The following GATA4 variants were observed in gnomAD, a reference collection of about 807,000 sequenced individuals.
GATA4 encodes transcription factor GATA-4.
Under a neutral mutation model 37.9 loss-of-function variants are expected in GATA4, and 7 were observed. The ratio of observed to expected loss-of-function variants is 0.18; its 90% CI spans 0.11 to 0.35. The LOEUF (loss-of-function observed/expected upper bound fraction) is 0.35. GATA4 is among the 10% of genes least tolerant of loss of function. GATA4 has a pLI of 1.00. For synonymous variants in GATA4, 372 were observed against 292.6 expected (o/e 1.27, Z -2.77); for missense variants, 647 against 653.0 (o/e 0.99, Z 0.10).
rs966868658 is a variant in GATA4 at position 11,680,657 on chromosome 8, G to A, written c.-274+3594G>A. 1.5e-5 allele frequency: 15 copies of A among 985,228 alleles called. No homozygotes were observed. The African/African-American group carries it at 2.4e-4, about 16-fold the overall frequency. 61.0% of individuals were successfully genotyped at this position (985,228 alleles called of 1,614,324 possible). A position where few individuals can be genotyped will look rare whatever the true frequency, so the allele number is the denominator to read the frequency against. ...CCTGGCGCTGCTGGGAACGTGTCTC[G>A]GGTCGCCCTTTGCGTCAGAGACCCC... is the stretch of plus-strand genomic sequence containing the variant. On this transcript the variant is annotated intron_variant, in intron 1 of 6. Coordinates refer to the GATA4 transcript ENST00000528712.
At chr8:11,734,811 A>G (rs1203215845) in intron 2 of GATA4, among the ~76,000 whole-genome samples, 1 of 152,174 alleles carries the variant, frequency 6.6e-6, no homozygotes, top group Non-Finnish European at 1.5e-5. Context: ...TTATAAGGGT[A>G]CTAATCCCAT....
At chr8:11,712,330 A>G (rs920952985) in intron 2 of GATA4, among the ~76,000 whole-genome samples, 1 of 152,176 alleles carries the variant, frequency 6.6e-6, no homozygotes, top group African/African-American at 2.4e-5. Context: ...TGCATTACCC[A>G]TCGTTGTGGT....
intron 2 of GATA4, among the ~76,000 whole-genome samples, chr8:11,732,836 C>G (rs1229463180): frequency 1.3e-5 from 2 of 152,222 alleles, no homozygotes; most frequent in Non-Finnish European, 2.9e-5. Context: ...AGAGATAACT[C>G]ATATCCCCAA....
At chr8:11,703,825 A>G (rs1015142042), upstream of GATA4, among the ~76,000 whole-genome samples, 3 of 152,192 alleles carry the variant, frequency 2.0e-5, no homozygotes, top group African/African-American at 4.8e-5. Flanking sequence ...GTTGAGCCCA[A>G]GAGGTCACCT....
At chr8:11,688,619 G>A (rs1158245133), upstream of GATA4, among the ~76,000 whole-genome samples, 1 of 152,210 alleles carries the variant, frequency 6.6e-6, no homozygotes, top group Non-Finnish European at 1.5e-5. Flanking sequence ...TGGGTGTCAG[G>A]GGAGTGTGTG....
chr8:11,705,514 C>A (rs558735666), intron 1 of GATA4, among the ~76,000 whole-genome samples: 1 of 152,232 alleles, frequency 6.6e-6, no homozygotes, highest in East Asian at 1.9e-4. Flanking sequence ...GAAAGGGGAG[C>A]GCATTTCCTG....
At chr8:11,744,478 C>T (rs1563224201) in intron 2 of GATA4, among the ~76,000 whole-genome samples, 1 of 152,180 alleles carries the variant, frequency 6.6e-6, no homozygotes, top group Admixed American at 6.5e-5. Context: ...CCCCTGGCTT[C>T]GGAATCACTC....
chr8:11,701,529 C>T (rs1799676273), upstream of GATA4, among the ~76,000 whole-genome samples: 1 of 152,190 alleles, frequency 6.6e-6, no homozygotes, highest in African/African-American at 2.4e-5. Context: ...GAAATGCTCC[C>T]CGCTCCTGGC....
At chr8:11,745,451 C>A (rs1161069974) in intron 2 of GATA4, among the ~76,000 whole-genome samples, 2 of 147,122 alleles carry the variant, frequency 1.4e-5, no homozygotes, top group Non-Finnish European at 3.0e-5. Flanking sequence ...CAAGGCATGG[C>A]AGCATGCACC....
intron 4 of GATA4, among the ~76,000 whole-genome samples, chr8:11,754,039 C>A (rs1390031207): frequency 6.6e-6 from 1 of 152,212 alleles, no homozygotes; most frequent in Non-Finnish European, 1.5e-5. Context: ...AACCTGGTCA[C>A]AGGGCAGTCT....
At chr8:11,757,304 A>T (rs930276695) in intron 6 of GATA4, among the ~76,000 whole-genome samples, 1 of 152,228 alleles carries the variant, frequency 6.6e-6, no homozygotes, top group Non-Finnish European at 1.5e-5. Flanking sequence ...AGGACATCTT[A>T]TCAAGATGGT....
rs73537897 is a variant in GATA4, at chr8:11,728,638, T to C, written c.616+19710T>C. Among the ~76,000 whole-genome samples the C allele has an allele frequency of 8.6e-3, 1,313 of 152,176 alleles. 20 individuals are homozygous for C. The highest frequency in any genetic ancestry group is 0.029 in the African/African-American group (1,205 of 41,524). On this transcript the variant is annotated intron_variant, in intron 2 of 6. Coordinates refer to ENST00000532059, the MANE Select transcript of GATA4 (RefSeq NM_001308093.3). ...GTCATGGCTCACTGTAGCCTTCAACTCTTGGGCTCAAGCAATCCTCCTTCC... is the reference window on the plus strand; with the variant it reads ...GTCATGGCTCACTGTAGCCTTCAACCCTTGGGCTCAAGCAATCCTCCTTCC...
chr8:11,708,855 C>A lies in GATA4; in HGVS notation c.543C>A (p.Ala181=), dbSNP rs544097659. ...GGGCCGCAGCCGCCGCCGCCTCCGC[C>A]GGCCCCTTCGACAGCCCGGTCCTGC... The part of the protein sequence containing the change: ...ASWAAAAAAS[A]GPFDSPVLHS... The change falls in exon 2 of 7, where the codon GCC becomes GCA. Residue 181 remains alanine, a synonymous_variant. Coordinates refer to ENST00000532059, the MANE Select transcript of GATA4 (RefSeq NM_001308093.3). This position sits in a 1 kb window ranked among gnomAD's most constrained non-coding sequence, Gnocchi z 6.7. The A allele has an allele frequency of 9.3e-6, 14 of 1,503,768 alleles. No homozygotes were observed. In the African/African-American group the frequency reaches 1.5e-4, roughly 16 times the overall value. 93.2% of individuals were successfully genotyped at this position (1,503,768 alleles called of 1,614,324 possible). A position where few individuals can be genotyped will look rare whatever the true frequency, so the allele number is the denominator to read the frequency against.
intron 2 of GATA4, among the ~76,000 whole-genome samples, chr8:11,714,592 A>C (rs1800355314): frequency 6.6e-6 from 1 of 152,136 alleles, no homozygotes; most frequent in Non-Finnish European, 1.5e-5. Flanking sequence ...TAAGCTGAGA[A>C]CGAATTAAAT....
upstream of GATA4, among the ~76,000 whole-genome samples, chr8:11,702,919 T>G (rs544406432): frequency 6.6e-6 from 1 of 152,376 alleles, no homozygotes; most frequent in African/African-American, 2.4e-5. The surrounding 1 kb of genome is among the most constrained non-coding windows in gnomAD (Gnocchi z 4.4). Flanking sequence ...GGGATTTTCC[T>G]GAGAATCCCC....
intron 2 of GATA4, among the ~76,000 whole-genome samples, chr8:11,728,818 T>C (rs1397080188): frequency 6.6e-6 from 1 of 152,242 alleles, no homozygotes; most frequent in East Asian, 1.9e-4. Flanking sequence ...AGTATTAATC[T>C]ACATTTAGGT....
intron 1 of GATA4, chr8:11,694,405 G>A (rs1799439913): frequency 1.2e-6 from 1 of 823,850 alleles, no homozygotes; most frequent in African/African-American, 1.8e-5. Flanking sequence ...TGTAAGGTCA[G>A]AGCTGGCGTG....
intron 2 of GATA4, among the ~76,000 whole-genome samples, chr8:11,732,046 A>T (rs933718216): frequency 2.0e-5 from 3 of 152,226 alleles, no homozygotes; most frequent in African/African-American, 7.2e-5. Context: ...TGATTTTTAA[A>T]TGTTGTACTA....
At chr8:11,678,362 AG>A (rs558753615) in intron 1 of GATA4, among the ~76,000 whole-genome samples, 69 of 152,322 alleles carry the variant, frequency 4.5e-4, no homozygotes, top group African/African-American at 1.6e-3. Context: ...CATCTCCAGC[AG>A]CCCCACCGGC....
Sources: gnomAD v4.1 joint callset for allele counts (sites outside exome capture counted in the v4.1 genomes callset) on GRCh38, gnomAD v4.1.1 for gene constraint, Gnocchi (gnomAD v3.1) non-coding constraint, MANE v1.5 for transcripts, NCBI Gene and HGNC (gene_info 2026-07-23, HGNC 2026-07-21) for gene names.